Variants in TANC1 observed in about 807,000 individuals in gnomAD.
TANC1 encodes protein TANC1.
A neutral mutation model predicts 149.7 loss-of-function variants in TANC1; 77 were observed. That is an observed-to-expected ratio of 0.51 (90% CI 0.43 to 0.62). TANC1 has a LOEUF of 0.62. Ranked by LOEUF, TANC1 falls within the 20% of genes least tolerant of loss-of-function variation. The pLI is 0.00. For missense variants in TANC1, 1,985 were observed against 2,321.8 expected (o/e 0.85, Z 2.98); for synonymous variants, 854 against 925.0 (o/e 0.92, Z 1.39).
intron 2 of TANC1, among the ~76,000 whole-genome samples, chr2:159,034,677 G>A (rs190452752): frequency 1.7e-4 from 26 of 152,316 alleles, no homozygotes; most frequent in Admixed American, 1.6e-3. Context: ...TGCTACTCAA[G>A]CCCCAAATGT....
chr2:159,172,904 A>G (rs1348888125), intron 11 of TANC1, among the ~76,000 whole-genome samples: 1 of 152,208 alleles, frequency 6.6e-6, no homozygotes, highest in Admixed American at 6.5e-5. Flanking sequence ...TGCTGGAGCC[A>G]GCAGCCATGG....
At chr2:159,202,896 T>A (rs1458126376) in intron 19 of TANC1, among the ~76,000 whole-genome samples, 3 of 152,068 alleles carry the variant, frequency 2.0e-5, no homozygotes, top group Admixed American at 6.5e-5. Context: ...TGTCAGTGTT[T>A]GCTGTGAATC....
intron 16 of TANC1, among the ~76,000 whole-genome samples, chr2:159,189,936 A>G (rs929624264): frequency 3.3e-5 from 5 of 152,260 alleles, no homozygotes; most frequent in Non-Finnish European, 7.3e-5. Context: ...TGGTAAAAAT[A>G]CGTACAGCAT....
At chr2:159,204,619 G>A (rs2058477485) in intron 19 of TANC1, among the ~76,000 whole-genome samples, 1 of 152,182 alleles carries the variant, frequency 6.6e-6, no homozygotes, top group Non-Finnish European at 1.5e-5. Flanking sequence ...AGCACACCCA[G>A]AGCCCCATGC....
At chr2:159,181,387 C>T (rs1219548643) in intron 14 of TANC1, among the ~76,000 whole-genome samples, 1 of 152,034 alleles carries the variant, frequency 6.6e-6, no homozygotes, top group African/African-American at 2.4e-5. Flanking sequence ...GCTCCGCCCC[C>T]TGGGGTTCAC....
At chr2:159,228,050 G>C in intron 25 of TANC1, 85 bp downstream of exon 25, 3 of 1,450,724 alleles carry the variant, frequency 2.1e-6, no homozygotes, top group Non-Finnish European at 2.8e-6. Context: ...CTCCAGACCA[G>C]ATCCTGGGCC....
chr2:159,197,729 C>T (rs1327532685), intron 18 of TANC1, among the ~76,000 whole-genome samples: 1 of 151,976 alleles, frequency 6.6e-6, no homozygotes, highest in Non-Finnish European at 1.5e-5. Context: ...TAGGAATGAC[C>T]TTGGTCTTAA....
At chr2:159,140,686 A>AT (rs375936311) in intron 5 of TANC1, among the ~76,000 whole-genome samples, 53,447 of 109,768 alleles carry the variant, frequency 0.49, 13,800 homozygotes, top group Non-Finnish European at 0.57. Flanking sequence ...GAGATTCTCT[A>AT]TTTTTTTTTT....
At chr2:159,164,804 G>A (rs2054409100) in intron 8 of TANC1, among the ~76,000 whole-genome samples, 1 of 152,172 alleles carries the variant, frequency 6.6e-6, no homozygotes, top group Non-Finnish European at 1.5e-5. Flanking sequence ...GGCCCTAATG[G>A]AAAAGTGCTG....
intron 1 of TANC1, among the ~76,000 whole-genome samples, chr2:158,972,092 C>T (rs530173628): frequency 6.6e-6 from 1 of 152,240 alleles, no homozygotes; most frequent in African/African-American, 2.4e-5. Context: ...AAACTTTCTC[C>T]TCAAGAGAGT....
intron 1 of TANC1, among the ~76,000 whole-genome samples, chr2:158,982,848 G>A (rs1393694650): frequency 2.0e-5 from 3 of 152,088 alleles, no homozygotes; most frequent in Non-Finnish European, 4.4e-5. Context: ...GGTCTCGAAT[G>A]CCTGGGCTCA....
chr2:159,141,996 G>A (rs1259717968), intron 5 of TANC1, among the ~76,000 whole-genome samples: 1 of 152,206 alleles, frequency 6.6e-6, no homozygotes, highest in Non-Finnish European at 1.5e-5. Flanking sequence ...AAAAATTAAT[G>A]TGCTTAACAG....
intron 2 of TANC1, among the ~76,000 whole-genome samples, chr2:159,025,237 C>CTTTCTTTCTTTCT (rs2039217348): frequency 8.9e-6 from 1 of 112,576 alleles, no homozygotes; most frequent in South Asian, 2.8e-4. Flanking sequence ...TTCTTTCTTT[C>CTTTCTTTCTTTCT]TTTTCTCCTT....
intron 4 of TANC1, among the ~76,000 whole-genome samples, chr2:159,117,011 G>A (rs770172931): frequency 6.6e-6 from 1 of 152,096 alleles, no homozygotes; most frequent in South Asian, 2.1e-4. Context: ...GATCACTCTC[G>A]AAAGGTGCAG....
chr2:159,154,662 A>G (rs2053229700), intron 7 of TANC1, among the ~76,000 whole-genome samples: 1 of 152,242 alleles, frequency 6.6e-6, no homozygotes, highest in Non-Finnish European at 1.5e-5. Flanking sequence ...TTAGAAGTAT[A>G]ATAATTCTGT....
chr2:159,092,684 A>G (rs1281255072), intron 3 of TANC1, among the ~76,000 whole-genome samples: 3 of 152,032 alleles, frequency 2.0e-5, no homozygotes, highest in Non-Finnish European at 4.4e-5. Context: ...CTGGACTTTT[A>G]TTTTTGGACT....
chr2:159,132,515 G>A (rs1287508994), intron 4 of TANC1, among the ~76,000 whole-genome samples: 2 of 152,054 alleles, frequency 1.3e-5, no homozygotes, highest in Non-Finnish European at 2.9e-5. Flanking sequence ...GTTTGAGACA[G>A]TCTCACTCTG....
At chr2:159,060,802 A>T (rs1258290860) in intron 2 of TANC1, among the ~76,000 whole-genome samples, 2 of 152,228 alleles carry the variant, frequency 1.3e-5, no homozygotes, top group East Asian at 3.8e-4. Flanking sequence ...ATGATCTCAG[A>T]CAAGGTGGTC....
chr2:159,043,269 T>A (rs1220560818), intron 2 of TANC1, among the ~76,000 whole-genome samples: 1 of 152,148 alleles, frequency 6.6e-6, no homozygotes, highest in Non-Finnish European at 1.5e-5. Context: ...GGTTTTCTTT[T>A]TTCCAGTTCT....
Sources: allele counts gnomAD v4.1 joint callset (sites outside exome capture counted in the v4.1 genomes callset), GRCh38; gene constraint gnomAD v4.1.1; transcripts MANE v1.5; gene names NCBI Gene and HGNC (gene_info 2026-07-23, HGNC 2026-07-21).